Variants in ZNF469 observed in about 807,000 individuals in gnomAD.
ZNF469 encodes zinc finger protein 469.
In ZNF469, 1 loss-of-function variant was observed where a neutral mutation model predicts 1.0. The ratio of observed to expected loss-of-function variants is 1.00; its 90% confidence interval spans 0.35 to 4.73. The LOEUF (loss-of-function observed/expected upper bound fraction) is 4.73. Ranked by LOEUF, ZNF469 falls within the 30% of genes most tolerant of loss-of-function variation. The pLI is 0.16. For synonymous variants in ZNF469, 2,703 were observed against 2,363.4 expected, an observed-to-expected ratio of 1.14 and a Z score of -4.17; for missense variants, 6,100 against 5,356.3, an observed-to-expected ratio of 1.14 and a Z score of -4.33.
chr16:88,334,049 TG>T, the ZNF469 span, among the ~76,000 whole-genome samples: 1 of 151,180 alleles, frequency 6.6e-6, no homozygotes, highest in African/African-American at 2.4e-5. Context: ...TGTCTCTGTG[TG>T]TCTGTGTCTG....
rs149519985 is a variant in ZNF469, at chr16:88,387,075, C to T, written c.-192+3821C>T. On this transcript the variant is annotated intron_variant, in intron 1 of 2. Transcript: ENST00000565624. ...GGCACCCAGTCTATACTCTGCTTGT[C>T]GGGCCTCCCCAACCTCCAAGACTGT... 2.0e-3 allele frequency among the ~76,000 whole-genome samples: 311 copies of T among 152,236 alleles called. 3 individuals are homozygous for T. The highest frequency in any genetic ancestry group is 9.1e-3 in the East Asian group (47 of 5,172).
chr16:88,344,405 G>A, the ZNF469 span, among the ~76,000 whole-genome samples: 15 of 152,238 alleles, frequency 9.9e-5, no homozygotes, highest in Non-Finnish European at 2.9e-5. Context: ...TCTCCATGCT[G>A]TCTTTGCAAC....
chr16:88,326,914 G>A, the ZNF469 span, among the ~76,000 whole-genome samples: 1 of 152,076 alleles, frequency 6.6e-6, no homozygotes, highest in African/African-American at 2.4e-5. Flanking sequence ...CGGGGCCCAG[G>A]AGCAGCACCC....
chr16:88,245,394 AT>A, the ZNF469 span, among the ~76,000 whole-genome samples: 1 of 152,218 alleles, frequency 6.6e-6, no homozygotes, highest in Non-Finnish European at 1.5e-5. Flanking sequence ...TGGAGAGAGG[AT>A]GCGTAGGCTC....
At chr16:88,385,796 C>T (rs926254707) in intron 1 of ZNF469, among the ~76,000 whole-genome samples, 2 of 152,174 alleles carry the variant, frequency 1.3e-5, no homozygotes, top group African/African-American at 4.8e-5. Flanking sequence ...CCAAACCCCT[C>T]TGGGACTTTA....
chr16:88,439,567 T>A lies in ZNF469; in HGVS notation c.*235T>A. 1.8e-6 allele frequency: 1 copy of A among 570,770 alleles called. No homozygotes were observed. Among genetic ancestry groups the A allele is most frequent in the Non-Finnish European group, 3.1e-6 (1 of 320,036 alleles). The allele number at this position is 570,770 out of a possible 1,614,324, so 35.4% of individuals were successfully genotyped here. A position where few individuals can be genotyped will look rare whatever the true frequency, so the allele number is the denominator to read the frequency against. On this transcript the variant is annotated 3_prime_UTR_variant, in exon 3 of 3. Coordinates refer to ENST00000565624, the MANE Select transcript of ZNF469 (RefSeq NM_001367624.2). ...AAAGACGGGGCCACTGCAGCCCTTTTGAGACCACACAGCTGTTTTCTTGGT... is the reference window on the plus strand; with the variant it reads ...AAAGACGGGGCCACTGCAGCCCTTTAGAGACCACACAGCTGTTTTCTTGGT...
At chr16:88,353,085 C>T in the ZNF469 span, among the ~76,000 whole-genome samples, 1 of 152,174 alleles carries the variant, frequency 6.6e-6, no homozygotes, top group African/African-American at 2.4e-5. Flanking sequence ...TGGTGCCAAG[C>T]AGGAGGGAAA....
chr16:88,315,234 C>T, the ZNF469 span, among the ~76,000 whole-genome samples: 3 of 152,200 alleles, frequency 2.0e-5, no homozygotes, highest in African/African-American at 7.2e-5. Context: ...GTGAAACGGG[C>T]GCACGAGATC....
At position 88,436,716 on chromosome 16, in the gene ZNF469, G is replaced by A. The variant is rs763079136; in HGVS notation, c.9246G>A (p.Ala3082=). The A allele has an allele frequency of 1.2e-5, 18 of 1,549,214 alleles. No homozygotes were observed. Among genetic ancestry groups the A allele is most frequent in the African/African-American group, 4.1e-5 (3 of 73,146 alleles). ...GCTTCTTAGACTTCGAGGGCACGGC[G>A]AGCTCACAGGGGCCACAGAGCCGAA... ...GPSFLDFEGT[A]SSQGPQSRRT... is the part of the protein sequence containing the mutation. The change falls in exon 3 of 3, where the codon GCG becomes GCA. Residue 3082 remains alanine (A), a synonymous_variant. Coordinates refer to ENST00000565624, the MANE Select transcript of ZNF469 (RefSeq NM_001367624.2).
chr16:88,145,729 G>A, the ZNF469 span, among the ~76,000 whole-genome samples: 1 of 152,228 alleles, frequency 6.6e-6, no homozygotes, highest in Admixed American at 6.5e-5. Flanking sequence ...TTGCCCCGTC[G>A]CTGCAGGCTT....
chr16:88,289,470 T>G, the ZNF469 span, among the ~76,000 whole-genome samples: 2 of 152,146 alleles, frequency 1.3e-5, no homozygotes, highest in South Asian at 4.1e-4. Context: ...AATAACACAA[T>G]TACACCGATC....
the ZNF469 span, among the ~76,000 whole-genome samples, chr16:88,124,559 A>G: frequency 2.0e-5 from 3 of 149,172 alleles, no homozygotes; most frequent in Admixed American, 6.8e-5. Context: ...TGTGTTTGGA[A>G]TAATAGAAGT....
rs1300854256 is a variant in ZNF469 at position 88,433,714 on chromosome 16, C to T, written c.6244C>T (p.Arg2082Trp). 13 of 1,548,864 alleles carry T rather than the reference C, an allele frequency of 8.4e-6. No individual in the cohort carries two copies. Among genetic ancestry groups the T allele is most frequent in the East Asian group, 7.3e-5 (3 of 40,918 alleles). Reference protein sequence around the residue: ...AAHSRSGSEGRTPERASSPGL... With the variant: ...AAHSRSGSEGWTPERASSPGL... Reference sequence around the variant, plus strand: ...CCACAGCCGAAGTGGATCTGAGGGCCGGACTCCAGAGAGGGCGTCCAGCCC... The same window carrying T: ...CCACAGCCGAAGTGGATCTGAGGGCTGGACTCCAGAGAGGGCGTCCAGCCC... Residue 2082 changes from arginine (R) to tryptophan (W), a missense_variant, in exon 3 of 3, where the codon CGG becomes TGG. Transcript: ENST00000565624.
chr16:88,193,123 G>A, the ZNF469 span, among the ~76,000 whole-genome samples: 7 of 21,044 alleles, frequency 3.3e-4, no homozygotes, highest in Non-Finnish European at 6.1e-4. Flanking sequence ...GGTGATGGTG[G>A]TGGTGGTGAT....
Position 88,435,565 on chromosome 16 carries a change from G to A in ZNF469, c.8095G>A (p.Gly2699Arg). ...GEQPPRLATL[G>R]PGVMEGAAET... ...GCAGCCGCCTCGCTTGGCCACTCTGGGACCTGGGGTGATGGAGGGTGCAGC... is the reference window on the plus strand; with the variant it reads ...GCAGCCGCCTCGCTTGGCCACTCTGAGACCTGGGGTGATGGAGGGTGCAGC... Residue 2699 changes from glycine (G) to arginine (R), a missense_variant, in exon 3 of 3, where the codon GGA (glycine) becomes AGA (arginine). Coordinates refer to ENST00000565624, the MANE Select transcript of ZNF469 (RefSeq NM_001367624.2). The A allele has an allele frequency of 6.5e-7, 1 of 1,549,934 alleles. No homozygotes were observed. Among genetic ancestry groups the A allele is most frequent in the Non-Finnish European group, 8.7e-7 (1 of 1,146,956 alleles).
chr16:88,272,017 T>G, the ZNF469 span, among the ~76,000 whole-genome samples: 1 of 151,946 alleles, frequency 6.6e-6, no homozygotes, highest in Non-Finnish European at 1.5e-5. Flanking sequence ...GACAGACGGA[T>G]GGATTTATGA....
chr16:88,113,063 C>A, the ZNF469 span, among the ~76,000 whole-genome samples: 4 of 152,164 alleles, frequency 2.6e-5, no homozygotes, highest in African/African-American at 9.7e-5. Context: ...CAGGTGTGAG[C>A]CACCGCGCCT....
At chr16:88,109,377 C>G in the ZNF469 span, among the ~76,000 whole-genome samples, 4 of 152,258 alleles carry the variant, frequency 2.6e-5, no homozygotes, top group African/African-American at 9.6e-5. Context: ...GCACCTCCTC[C>G]CAGACTCAGA....
At chr16:88,288,673 A>T in the ZNF469 span, among the ~76,000 whole-genome samples, 1 of 152,232 alleles carries the variant, frequency 6.6e-6, no homozygotes, top group Non-Finnish European at 1.5e-5. Flanking sequence ...ATACTGTCTC[A>T]TGTAACCCCT....
Sources: allele counts gnomAD v4.1 joint callset (sites outside exome capture counted in the v4.1 genomes callset), GRCh38; gene constraint gnomAD v4.1.1; transcripts MANE v1.5; gene names NCBI Gene and HGNC (gene_info 2026-07-23, HGNC 2026-07-21).